Variants in ARID3A observed in about 807,000 individuals in gnomAD.
ARID3A encodes AT-rich interactive domain-containing protein 3A.
A neutral mutation model predicts 52.7 loss-of-function variants in ARID3A; 11 were observed. The observed-to-expected ratio is 0.21, with a 90% CI of 0.13 to 0.35. The LOEUF (loss-of-function observed/expected upper bound fraction) is 0.35, where lower values mean the gene tolerates loss of function less well. ARID3A is among the 10% of genes least tolerant of loss of function. ARID3A has a pLI of 1.00. For synonymous variants in ARID3A, 404 were observed against 359.4 expected (o/e 1.12, Z -1.40); for missense variants, 721 against 838.5 (o/e 0.86, Z 1.73).
At chr19:925,787 C>CGA (rs1482197207), upstream of ARID3A, 1 of 152,154 alleles carries the variant, frequency 6.6e-6, no homozygotes, top group Non-Finnish European at 1.5e-5. Flanking sequence ...CCACTCTGCC[C>CGA]GGCTCCCCAG....
At chr19:926,206 G>T (rs2037192826) in intron 1 of ARID3A, 147 bp downstream of exon 1, 1 of 151,318 alleles carries the variant, frequency 6.6e-6, no homozygotes, top group South Asian at 2.1e-4. Context: ...CGGTAAGGCT[G>T]GGGAGCGCGC....
At chr19:928,096 G>A (rs1441364140) in intron 1 of ARID3A, among the ~76,000 whole-genome samples, 1 of 151,956 alleles carries the variant, frequency 6.6e-6, no homozygotes, top group African/African-American at 2.4e-5. Context: ...GTCTCTCCAG[G>A]CCTTGTCTGC....
chr19:936,359 C>G (rs984443866), intron 3 of ARID3A, among the ~76,000 whole-genome samples: 1 of 152,118 alleles, frequency 6.6e-6, no homozygotes, highest in African/African-American at 2.4e-5. Flanking sequence ...TCTACACCAG[C>G]CTGGGCGGTA....
chr19:962,203 C>T (rs1253848957), intron 4 of ARID3A, among the ~76,000 whole-genome samples: 4 of 152,188 alleles, frequency 2.6e-5, no homozygotes, highest in African/African-American at 7.2e-5. Context: ...CACAATCTTC[C>T]TCTCCTTCAC....
chr19:949,662 G>A (rs981307756), intron 3 of ARID3A, among the ~76,000 whole-genome samples: 1 of 145,990 alleles, frequency 6.8e-6, no homozygotes, highest in Non-Finnish European at 1.5e-5. Flanking sequence ...GTGCCCCACA[G>A]ACCCTGATTC....
chr19:975,178 C>T lies in ARID3A; in HGVS notation c.*3113C>T, dbSNP rs905009509. ...GGGGGTCGGGCAGTCCCCTCAGCCA[C>T]GAGGACCCTGGATGGGTTCTAGTTC... On this transcript the variant is annotated 3_prime_UTR_variant, in exon 9 of 9. Coordinates refer to ENST00000263620, the MANE Select transcript of ARID3A (RefSeq NM_005224.3). 3.5e-5 allele frequency: 8 copies of T among 231,770 alleles called. No homozygotes were observed. Among genetic ancestry groups the T allele is most frequent in the African/African-American group, 8.8e-5 (4 of 45,230 alleles). 14.4% of individuals were successfully genotyped at this position (231,770 alleles called of 1,614,324 possible).
At chr19:931,567 C>T (rs1476917355) in intron 2 of ARID3A, among the ~76,000 whole-genome samples, 1 of 152,048 alleles carries the variant, frequency 6.6e-6, no homozygotes, top group Non-Finnish European at 1.5e-5. Flanking sequence ...AATCCCAGCA[C>T]TTTGGGAGGC....
chr19:946,947 A>C lies in ARID3A; in HGVS notation c.694-13145A>C, dbSNP rs1446854935. Among the ~76,000 whole-genome samples the C allele has an allele frequency of 2.0e-5, 3 of 147,114 alleles. No homozygotes were observed. In the East Asian group the frequency reaches 6.0e-4, roughly 29 times the overall value. ...TAGCTGGGATTACAGGTGCGCCACT[A>C]TGCCTGGCTAATTTTTTTTTTTTTT... On this transcript the variant is annotated intron_variant, in intron 3 of 8. Transcript: ENST00000263620.
In ARID3A at chr19:944,760, G is replaced by T. The variant is rs557161283; in HGVS notation, c.693+12018G>T. The stretch of plus-strand genomic sequence containing the variant: ...CCCGTGTCAGCCTCCTGAGTAGCTG[G>T]GACCACAGACACTCGCCACCACACC... On this transcript the variant is annotated intron_variant, in intron 3 of 8. Transcript: ENST00000263620. This position sits in a 1 kb window ranked among gnomAD's most constrained non-coding sequence, Gnocchi z 5.9. Among the ~76,000 whole-genome samples, 10 of 152,256 alleles carry T rather than the reference G, an allele frequency of 6.6e-5. No individual in the cohort carries two copies. Among genetic ancestry groups the T allele is most frequent in the African/African-American group, 1.9e-4 (8 of 41,544 alleles).
intron 2 of ARID3A, 69 bp from the exon 3 acceptor site, chr19:932,349 G>A (rs1023322602): frequency 1.4e-5 from 22 of 1,562,738 alleles, no homozygotes; most frequent in African/African-American, 1.4e-5. Context: ...TGGGCGGGGA[G>A]TGGGTCTTTC....
rs1375285906 is a variant in ARID3A, at chr19:947,695, G to T, written c.694-12397G>T. 6.6e-6 allele frequency among the ~76,000 whole-genome samples: 1 copy of T among 152,186 alleles called. No individual in the cohort carries two copies. The highest frequency in any genetic ancestry group is 1.5e-5 in the Non-Finnish European group (1 of 68,030). ...ATCCACAGAGAAGCACCTTCACCAC[G>T]CCAGCTTCCCGGGCCGCGCTTCATT... is the stretch of plus-strand genomic sequence containing the variant. On this transcript the variant is annotated intron_variant, in intron 3 of 8. Coordinates refer to ENST00000263620, the MANE Select transcript of ARID3A (RefSeq NM_005224.3). The surrounding 1 kb of genome is among the most constrained non-coding windows in gnomAD (Gnocchi z 6.3).
rs956228044 is a variant in ARID3A, at chr19:947,842, C to G, written c.694-12250C>G. 1.6e-4 allele frequency among the ~76,000 whole-genome samples: 24 copies of G among 152,220 alleles called. No homozygotes were observed. The highest frequency in any genetic ancestry group is 4.6e-4 in the Admixed American group (7 of 15,284). On this transcript the variant is annotated intron_variant, in intron 3 of 8. Transcript: ENST00000263620. The surrounding 1 kb of genome is among the most constrained non-coding windows in gnomAD (Gnocchi z 6.3). ...GAGCCGGCAGATGTTCGGCCCTGCC[C>G]AGAATCACTTCCCCAATTTCCCCAC...
rs150959744 is a variant in ARID3A, at chr19:968,442, G to A, written c.1533G>A (p.Thr511=). ...GCCAGGACTCTGCTGTGAACCTGAC[G>A]GGCACCAACGGCAGCAACAGCATCA... is the stretch of plus-strand genomic sequence containing the variant. The part of the protein sequence containing the change: ...ESRQDSAVNL[T]GTNGSNSISM... Residue 511 remains threonine, a synonymous_variant, in exon 8 of 9, where the codon ACG becomes ACA. Coordinates refer to ENST00000263620, the MANE Select transcript of ARID3A (RefSeq NM_005224.3). 2.3e-4 allele frequency: 379 copies of A among 1,614,016 alleles called. No individual in the cohort carries two copies. Among genetic ancestry groups the A allele is most frequent in the African/African-American group, 2.3e-3 (173 of 75,010 alleles).
In ARID3A at chr19:941,037, G is replaced by A. The variant is rs1333095007; in HGVS notation, c.693+8295G>A. Reference sequence around the variant, plus strand: ...CCCTGCGCCACCGCCTGGCCGTCGGGTCACCGCCGCGGGGTCACCGCCGCC... The same window carrying A: ...CCCTGCGCCACCGCCTGGCCGTCGGATCACCGCCGCGGGGTCACCGCCGCC... On this transcript the variant is annotated intron_variant, in intron 3 of 8. Coordinates refer to ENST00000263620, the MANE Select transcript of ARID3A (RefSeq NM_005224.3). The surrounding 1 kb of genome is among the most constrained non-coding windows in gnomAD (Gnocchi z 6.9). Among the ~76,000 whole-genome samples, 2 of 152,050 alleles carry A rather than the reference G, an allele frequency of 1.3e-5. No individual in the cohort carries two copies. The highest frequency in any genetic ancestry group is 4.8e-5 in the African/African-American group (2 of 41,418).
In ARID3A at chr19:959,297, A is replaced by G. The variant is rs1238985934; in HGVS notation, c.694-795A>G. The stretch of plus-strand genomic sequence containing the variant: ...TTTGTTTTGTTTTGTTTTTAGAGAC[A>G]GGGTTGCGTTCTGTCGCCCAGGCTG... On this transcript the variant is annotated intron_variant, in intron 3 of 8. Coordinates refer to ENST00000263620, the MANE Select transcript of ARID3A (RefSeq NM_005224.3). This position sits in a 1 kb window ranked among gnomAD's most constrained non-coding sequence, Gnocchi z 5.0. Among the ~76,000 whole-genome samples, 1 of 152,124 alleles carries G rather than the reference A, an allele frequency of 6.6e-6. No homozygotes were observed. Among genetic ancestry groups the G allele is most frequent in the Non-Finnish European group, 1.5e-5 (1 of 68,024 alleles).
chr19:958,817 C>G (rs1405333367), intron 3 of ARID3A, among the ~76,000 whole-genome samples: 1 of 152,022 alleles, frequency 6.6e-6, no homozygotes, highest in Non-Finnish European at 1.5e-5. Flanking sequence ...GGAGTGAACC[C>G]GGGAGGCGGA....
chr19:947,574 C>T lies in ARID3A; in HGVS notation c.694-12518C>T, dbSNP rs568653435. Among the ~76,000 whole-genome samples, 13 of 152,232 alleles carry T rather than the reference C, an allele frequency of 8.5e-5. No individual in the cohort carries two copies. Among genetic ancestry groups the T allele is most frequent in the African/African-American group, 3.1e-4 (13 of 41,526 alleles). On this transcript the variant is annotated intron_variant, in intron 3 of 8. Coordinates refer to ENST00000263620, the MANE Select transcript of ARID3A (RefSeq NM_005224.3). The surrounding 1 kb of genome is among the most constrained non-coding windows in gnomAD (Gnocchi z 6.3). ...GGGACCGTTTCACAGATGAGAAGAC[C>T]GAGGTGCCAGGGTGGCGATCGCACG...
intron 3 of ARID3A, among the ~76,000 whole-genome samples, chr19:957,869 G>A (rs1232353423): frequency 6.6e-6 from 1 of 151,186 alleles, no homozygotes; most frequent in Non-Finnish European, 1.5e-5. Flanking sequence ...AAAAGACTTT[G>A]GGAGGCTGTG....
rs2038356976 is a variant in ARID3A, at chr19:975,284, T to C, written c.*3219T>C. 1.8e-5 allele frequency: 4 copies of C among 228,056 alleles called. No individual in the cohort carries two copies. The highest frequency in any genetic ancestry group is 1.3e-3 in the Middle Eastern group (1 of 770). 14.1% of individuals were successfully genotyped at this position (228,056 alleles called of 1,614,324 possible). On this transcript the variant is annotated 3_prime_UTR_variant, in exon 9 of 9. Coordinates refer to ENST00000263620, the MANE Select transcript of ARID3A (RefSeq NM_005224.3). ...AACGGGGGCTCCCCCTGCTCTGAGA[T>C]GTTGGGAGAAAGGCGGCTTCTGGAA...
Sources: allele counts gnomAD v4.1 joint callset (sites outside exome capture counted in the v4.1 genomes callset), GRCh38; gene constraint gnomAD v4.1.1; non-coding constraint Gnocchi (gnomAD v3.1); transcripts MANE v1.5; gene names NCBI Gene and HGNC (gene_info 2026-07-23, HGNC 2026-07-21).